Variants in ERC2 observed in about 807,000 individuals in gnomAD.
The protein encoded by ERC2 is ERC protein 2.
Under a neutral mutation model 114.8 loss-of-function variants are expected in ERC2, and 42 were observed. The ratio of observed to expected loss-of-function variants is 0.37; its 90% CI spans 0.29 to 0.47. The LOEUF is 0.47. ERC2 is among the 20% of genes least tolerant of loss of function. The pLI is 0.99. For missense variants in ERC2, 939 were observed against 1,150.7 expected, an observed-to-expected ratio of 0.82 and a Z score of 2.66; for synonymous variants, 454 against 425.5, an observed-to-expected ratio of 1.07 and a Z score of -0.82.
At chr3:55,647,421 C>T (rs1171137375) in intron 17 of ERC2, among the ~76,000 whole-genome samples, 1 of 152,310 alleles carries the variant, frequency 6.6e-6, no homozygotes, top group Non-Finnish European at 1.5e-5. Context: ...CTACATAACA[C>T]ACACAGGCGC....
chr3:56,170,940 A>G (rs534945836), intron 4 of ERC2, among the ~76,000 whole-genome samples: 46 of 151,068 alleles, frequency 3.0e-4, no homozygotes, highest in Non-Finnish European at 4.7e-4. Context: ...AATTTTTTGT[A>G]TTTTTTAGTA....
At chr3:55,915,221 TA>T (rs1394838516) in intron 13 of ERC2, among the ~76,000 whole-genome samples, 1 of 152,104 alleles carries the variant, frequency 6.6e-6, no homozygotes. Flanking sequence ...AAAGCAAAAA[TA>T]AAATATAGTG....
Position 55,698,297 on chromosome 3 carries a change from G to A in ERC2, c.2847+1081C>T, listed in dbSNP as rs544200668. Among the ~76,000 whole-genome samples, 4 of 152,148 alleles carry A rather than the reference G, an allele frequency of 2.6e-5. No individual in the cohort carries two copies. In the South Asian group the frequency reaches 8.4e-4, roughly 32 times the overall value. ...GGCTGCCTCACTGCACAGCTCCCAGGAGAACTTCTAATGCTGTGTTCTATA... is the reference window on the plus strand; with the variant it reads ...GGCTGCCTCACTGCACAGCTCCCAGAAGAACTTCTAATGCTGTGTTCTATA... On this transcript the variant is annotated intron_variant, in intron 16 of 17. Coordinates refer to ENST00000288221, the MANE Select transcript of ERC2 (RefSeq NM_015576.3).
intron 14 of ERC2, among the ~76,000 whole-genome samples, chr3:55,812,970 C>T (rs9860951): frequency 0.31 from 47,868 of 152,188 alleles, 8,887 homozygotes; most frequent in African/African-American, 0.51. Context: ...ATTTGAAAGA[C>T]GAATGAGTGC....
chr3:55,571,637 C>G (rs911771238), intron 17 of ERC2, among the ~76,000 whole-genome samples: 1 of 152,194 alleles, frequency 6.6e-6, no homozygotes, highest in African/African-American at 2.4e-5. Flanking sequence ...TCCCCTGGCT[C>G]CCTCTGCTTT....
At chr3:56,246,109 A>C (rs1186589613) in intron 3 of ERC2, among the ~76,000 whole-genome samples, 7 of 151,944 alleles carry the variant, frequency 4.6e-5, no homozygotes, top group Non-Finnish European at 8.8e-5. Context: ...AAAAAAAAAA[A>C]AAAAAACTCA....
intron 14 of ERC2, among the ~76,000 whole-genome samples, chr3:55,818,194 T>C (rs2059980362): frequency 6.6e-6 from 1 of 152,180 alleles, no homozygotes; most frequent in South Asian, 2.1e-4. Flanking sequence ...TGGTGACATT[T>C]ATGCAACACG....
chr3:55,853,821 A>G (rs1401383379), intron 14 of ERC2, among the ~76,000 whole-genome samples: 1 of 152,186 alleles, frequency 6.6e-6, no homozygotes, highest in African/African-American at 2.4e-5. Flanking sequence ...CATGAAAAGA[A>G]TTACAGAAGT....
chr3:56,226,103 C>T (rs2050233332), intron 3 of ERC2, among the ~76,000 whole-genome samples: 1 of 152,196 alleles, frequency 6.6e-6, no homozygotes, highest in Admixed American at 6.5e-5. Flanking sequence ...GGATCCTAAG[C>T]AAATGAAATC....
chr3:56,219,099 C>T (rs993191418), intron 3 of ERC2, among the ~76,000 whole-genome samples: 3 of 151,936 alleles, frequency 2.0e-5, no homozygotes, highest in African/African-American at 7.3e-5. Context: ...AACAAACCTG[C>T]AAGTTGTGCA....
At chr3:56,324,241 G>T (rs1441187017) in intron 2 of ERC2, among the ~76,000 whole-genome samples, 3 of 152,184 alleles carry the variant, frequency 2.0e-5, no homozygotes, top group African/African-American at 7.2e-5. Context: ...GACAGAGGGA[G>T]CTGGCTTTAA....
chr3:56,251,857 CAT>C (rs1184593341), intron 3 of ERC2, among the ~76,000 whole-genome samples: 1 of 152,188 alleles, frequency 6.6e-6, no homozygotes. Flanking sequence ...CTGAACTCCT[CAT>C]AGAGTGCTGG....
chr3:55,839,626 A>C lies in ERC2; in HGVS notation c.2564+48763T>G, dbSNP rs189700879. On this transcript the variant is annotated intron_variant, in intron 14 of 17. Coordinates refer to ENST00000288221, the MANE Select transcript of ERC2 (RefSeq NM_015576.3). ...AAATGGTATAATATTATTTGAAGATAGAGTTTAATAAGTTAAAGATACATA... is the reference window on the plus strand; with the variant it reads ...AAATGGTATAATATTATTTGAAGATCGAGTTTAATAAGTTAAAGATACATA... Among the ~76,000 whole-genome samples, 80 of 152,092 alleles carry C rather than the reference A, an allele frequency of 5.3e-4. 1 individual carries two copies. Among genetic ancestry groups the C allele is most frequent in the Non-Finnish European group, 9.3e-4 (63 of 67,852 alleles).
intron 14 of ERC2, among the ~76,000 whole-genome samples, chr3:55,766,353 TTTTTA>T (rs973095842): frequency 6.6e-6 from 1 of 151,750 alleles, no homozygotes; most frequent in Non-Finnish European, 1.5e-5. Context: ...TGATTTATTA[TTTTTA>T]TTTTATTTAT....
chr3:56,059,071 A>G (rs2076133170), intron 7 of ERC2, among the ~76,000 whole-genome samples: 1 of 148,776 alleles, frequency 6.7e-6, no homozygotes, highest in Non-Finnish European at 1.5e-5. Flanking sequence ...ATGAGCACAT[A>G]AAGATATCTT....
chr3:55,697,754 T>C (rs953121035), intron 16 of ERC2, among the ~76,000 whole-genome samples: 2 of 152,094 alleles, frequency 1.3e-5, no homozygotes, highest in South Asian at 4.1e-4. Flanking sequence ...TCTCTGTTTT[T>C]GTCTCTCTGT....
intron 2 of ERC2, among the ~76,000 whole-genome samples, chr3:56,414,275 T>C (rs2061057629): frequency 6.6e-6 from 1 of 152,208 alleles, no homozygotes; most frequent in African/African-American, 2.4e-5. Flanking sequence ...TCATTATCCA[T>C]AATCATGTCA....
At chr3:56,377,968 G>A (rs1332176819) in intron 2 of ERC2, among the ~76,000 whole-genome samples, 4 of 152,138 alleles carry the variant, frequency 2.6e-5, no homozygotes, top group South Asian at 4.1e-4. Context: ...ATGCATGTAT[G>A]TGAATTTCAC....
At chr3:55,522,191 C>A (rs942398911) in intron 17 of ERC2, among the ~76,000 whole-genome samples, 5 of 152,190 alleles carry the variant, frequency 3.3e-5, no homozygotes, top group African/African-American at 1.2e-4. Context: ...AAATAGTCTT[C>A]TCTGGGGGGA....
Sources: gnomAD v4.1 joint callset for allele counts (sites outside exome capture counted in the v4.1 genomes callset) on GRCh38, gnomAD v4.1.1 for gene constraint, MANE v1.5 for transcripts, NCBI Gene and HGNC (gene_info 2026-07-23, HGNC 2026-07-21) for gene names.